Variants in FBXO11 observed in about 807,000 individuals in gnomAD.
FBXO11 encodes F-box protein 11.
In FBXO11, 13 loss-of-function variants were observed where a neutral mutation model predicts 117.0. The observed-to-expected ratio is 0.11, with a 90% CI of 0.07 to 0.18. FBXO11 has a LOEUF of 0.18. Among genes scored for constraint, FBXO11 ranks in the 10% least tolerant of loss-of-function variants. The pLI, the probability that FBXO11 is intolerant of heterozygous loss-of-function variation, is 1.00. For synonymous variants in FBXO11, 490 were observed against 380.5 expected (o/e 1.29, Z -3.35); for missense variants, 767 against 1,164.4 (o/e 0.66, Z 4.97).
At position 47,905,896 on chromosome 2, in the gene FBXO11, A is replaced by C; in HGVS notation, c.-176T>G. The C allele has an allele frequency of 4.6e-5, 31 of 676,484 alleles. No homozygotes were observed. The highest frequency in any genetic ancestry group is 1.1e-4 in the East Asian group (3 of 26,688). The allele number at this position is 676,484 out of a possible 1,614,324, so 41.9% of individuals were successfully genotyped here. ...GCGAGCGGGACCCCGAGTCCGGAGA[A>C]AGGCCCGGGTAGACAGACGGAGACC... is the stretch of plus-strand genomic sequence containing the variant. On this transcript the variant is annotated 5_prime_UTR_variant, in exon 1 of 23. Coordinates refer to ENST00000403359, the MANE Select transcript of FBXO11 (RefSeq NM_001190274.2).
chr2:47,883,425 A>C (rs75915887), intron 1 of FBXO11: 54,190 of 376,398 alleles, frequency 0.14, 4,661 homozygotes, highest in Non-Finnish European at 0.18. Flanking sequence ...TCATCTCTTT[A>C]TTTCACTCAA....
chr2:47,860,888 C>T (rs1460820089), intron 1 of FBXO11, among the ~76,000 whole-genome samples: 1 of 149,100 alleles, frequency 6.7e-6, no homozygotes, highest in Non-Finnish European at 1.5e-5. Flanking sequence ...CTCTCGTTGC[C>T]CAGGCTGGAG....
In FBXO11 at chr2:47,814,067, A is replaced by G. The variant is rs552972776; in HGVS notation, c.2007-200T>C. 4.9e-5 allele frequency: 24 copies of G among 489,534 alleles called. No homozygotes were observed. In the South Asian group the frequency reaches 5.6e-4, roughly 11 times the overall value. 30.3% of individuals were successfully genotyped at this position (489,534 alleles called of 1,614,324 possible). On this transcript the variant is annotated intron_variant, in intron 16 of 22. Transcript: ENST00000403359. ...TCCCACAGAACATACTTTACTACAGATTATTATTGTAGAGTTTCCTAACAT... is the reference window on the plus strand; with the variant it reads ...TCCCACAGAACATACTTTACTACAGGTTATTATTGTAGAGTTTCCTAACAT...
chr2:47,861,777 A>G (rs1558451799), intron 1 of FBXO11, among the ~76,000 whole-genome samples: 1 of 152,158 alleles, frequency 6.6e-6, no homozygotes, highest in Non-Finnish European at 1.5e-5. Context: ...CGGATGCATT[A>G]TTTACAGAAG....
At chr2:47,830,093 T>C (rs1176935426) in intron 11 of FBXO11, among the ~76,000 whole-genome samples, 2 of 151,758 alleles carry the variant, frequency 1.3e-5, no homozygotes, top group Non-Finnish European at 2.9e-5. Flanking sequence ...ACCAGAAAGA[T>C]AGCTAAGTTT....
rs539166938 is a variant in FBXO11 at position 47,829,517 on chromosome 2, G to A, written c.1398+2832C>T. On this transcript the variant is annotated intron_variant, in intron 11 of 22. Transcript: ENST00000403359. ...GGCCTCCCAAAGTGCTAGGATTATA[G>A]GCATGAGCCACCACACCTGGCCTGC... Among the ~76,000 whole-genome samples, 11 of 152,210 alleles carry A rather than the reference G, an allele frequency of 7.2e-5. No individual in the cohort carries two copies. The South Asian group carries it at 2.1e-3, about 29-fold the overall frequency.
In FBXO11 at chr2:47,814,411, T is replaced by A. The variant is rs185512738; in HGVS notation, c.2007-544A>T. On this transcript the variant is annotated intron_variant, in intron 16 of 22. Transcript: ENST00000403359. ...TTTTTTTAAAGACATGGGGTCTTGC[T>A]CTGTCACCCAGGCTGGAGTTGCAGT... 9.1e-3 allele frequency: 1,270 copies of A among 139,442 alleles called. 11 individuals carry two copies. The highest frequency in any genetic ancestry group is 0.02 in the Admixed American group (282 of 13,988). 8.6% of individuals were successfully genotyped at this position (139,442 alleles called of 1,614,324 possible). A position where few individuals can be genotyped will look rare whatever the true frequency, so the allele number is the denominator to read the frequency against.
chr2:47,842,040 G>A (rs1673050604), intron 1 of FBXO11, among the ~76,000 whole-genome samples: 2 of 149,770 alleles, frequency 1.3e-5, no homozygotes, highest in Admixed American at 1.3e-4. Context: ...TTTTGAGACA[G>A]AGTCTCGCCC....
chr2:47,824,085 A>T (rs1033003666), intron 11 of FBXO11, among the ~76,000 whole-genome samples: 4 of 152,246 alleles, frequency 2.6e-5, no homozygotes, highest in African/African-American at 9.6e-5. Context: ...AAGGAAAAAC[A>T]GCAAAACATC....
At chr2:47,876,252 C>A (rs937105570) in intron 1 of FBXO11, among the ~76,000 whole-genome samples, 1 of 152,184 alleles carries the variant, frequency 6.6e-6, no homozygotes, top group Non-Finnish European at 1.5e-5. Flanking sequence ...ACTCTATTTT[C>A]CAACTTTCTT....
At chr2:47,816,763 A>G (rs1572772006) in intron 16 of FBXO11, among the ~76,000 whole-genome samples, 1 of 152,150 alleles carries the variant, frequency 6.6e-6, no homozygotes, top group East Asian at 1.9e-4. Context: ...ATATTTTGAA[A>G]TATTTTTTCT....
At chr2:47,839,033 T>C in intron 3 of FBXO11, 30 bp from the exon 4 acceptor site, 3 of 1,579,232 alleles carry the variant, frequency 1.9e-6, no homozygotes, top group African/African-American at 1.4e-5. Flanking sequence ...TAAACTATCA[T>C]TCGAGCAATA....
At chr2:47,856,033 C>A (rs1169152937) in intron 1 of FBXO11, among the ~76,000 whole-genome samples, 2 of 152,150 alleles carry the variant, frequency 1.3e-5, no homozygotes, top group Non-Finnish European at 2.9e-5. Context: ...ATCACTTGAG[C>A]CTAAGAGTTC....
intron 14 of FBXO11, 126 bp from the exon 15 acceptor site, chr2:47,819,204 A>G: frequency 1.2e-6 from 1 of 810,886 alleles, no homozygotes; most frequent in Non-Finnish European, 1.9e-6. Flanking sequence ...TAAGGAGGTA[A>G]TGGCAATATT....
chr2:47,813,055 A>G (rs1300928473), intron 18 of FBXO11, 179 bp downstream of exon 18: 2 of 654,424 alleles, frequency 3.1e-6, no homozygotes, highest in Non-Finnish European at 5.4e-6. Context: ...AAGGAAAAGT[A>G]TTGTAAACAT....
chr2:47,897,383 G>A (rs1677751069), intron 1 of FBXO11, among the ~76,000 whole-genome samples: 1 of 152,146 alleles, frequency 6.6e-6, no homozygotes, highest in Admixed American at 6.5e-5. Context: ...CCACACAGTG[G>A]CCAGTTAATT....
intron 2 of FBXO11, 34 bp from the exon 3 acceptor site, chr2:47,839,534 T>C (rs745718587): frequency 2.5e-6 from 4 of 1,609,304 alleles, no homozygotes; most frequent in Non-Finnish European, 3.4e-6. Context: ...GTAAAGCAAA[T>C]ATTCTTATCA....
intron 11 of FBXO11, among the ~76,000 whole-genome samples, chr2:47,825,091 A>AT (rs199660223): frequency 2.6e-5 from 4 of 151,866 alleles, no homozygotes; most frequent in Non-Finnish European, 4.4e-5. Context: ...GATTTGATGA[A>AT]TTTTTTTTGC....
At position 47,823,206 on chromosome 2, in the gene FBXO11, T is replaced by C. The variant is rs1216522546; in HGVS notation, c.1553A>G (p.Asn518Ser). The change falls in exon 12 of 23, where the codon AAT becomes AGT. Residue 518 changes from asparagine to serine, a missense_variant. Asn to Ser is a conservative substitution (Grantham distance 46). This residue lies in a region of FBXO11 where 67 missense variants were observed against 148.8 expected (regional missense o/e 0.45). Transcript: ENST00000403359. Reference sequence around the variant, plus strand: ...TGCAAAGTTGTTTGCATAGATTTTATTCTCTATGAATTGTCCTCTTCCTTT... The same window carrying C: ...TGCAAAGTTGTTTGCATAGATTTTACTCTCTATGAATTGTCCTCTTCCTTT... ...HEKGRGQFIE[N>S]KIYANNFAGV... 1.2e-6 allele frequency: 2 copies of C among 1,613,958 alleles called. No homozygotes were observed. The highest frequency in any genetic ancestry group is 1.7e-5 in the Admixed American group (1 of 60,014).
Sources: allele counts gnomAD v4.1 joint callset (sites outside exome capture counted in the v4.1 genomes callset), GRCh38; gene constraint gnomAD v4.1.1; regional missense constraint gnomAD v4.1.1; transcripts MANE v1.5; gene names NCBI Gene and HGNC (gene_info 2026-07-23, HGNC 2026-07-21).